The following GRIN2D variants were observed in gnomAD, a reference collection of about 807,000 sequenced individuals.
GRIN2D encodes glutamate receptor ionotropic, NMDA 2D.
Under a neutral mutation model 103.2 loss-of-function variants are expected in GRIN2D, and 37 were observed. The ratio of observed to expected loss-of-function variants is 0.36; its 90% CI spans 0.28 to 0.47. The LOEUF (loss-of-function observed/expected upper bound fraction) is 0.47, where lower values mean the gene tolerates loss of function less well. GRIN2D is among the 20% of genes least tolerant of loss of function. The probability of loss-of-function intolerance (pLI) is 1.00; values close to 1 mark genes in which losing one functional copy is unlikely to be tolerated. For missense variants in GRIN2D, 1,557 were observed against 1,910.6 expected (o/e 0.81, Z 3.45); for synonymous variants, 845 against 885.6 (o/e 0.95, Z 0.81).
In GRIN2D at chr19:48,414,850, G is replaced by A. The variant is rs978663766; in HGVS notation, c.1413-14G>A. ...GGGGTCCCCAAACTCCCCAAGCCTG[G>A]TCACTGCCCGCAGCCCTCCACCGGA... is the stretch of plus-strand genomic sequence containing the variant. On this transcript the variant is annotated splice_polypyrimidine_tract_variant and intron_variant, in intron 6 of 13. Coordinates refer to ENST00000263269, the MANE Select transcript of GRIN2D (RefSeq NM_000836.4). This position sits in a 1 kb window ranked among gnomAD's most constrained non-coding sequence, Gnocchi z 4.6. The A allele has an allele frequency of 6.2e-7, 1 of 1,613,632 alleles. No individual in the cohort carries two copies. Among genetic ancestry groups the A allele is most frequent in the Non-Finnish European group, 8.5e-7 (1 of 1,179,854 alleles).
intron 4 of GRIN2D, among the ~76,000 whole-genome samples, chr19:48,410,409 T>C (rs1970843638): frequency 6.7e-6 from 1 of 149,860 alleles, no homozygotes; most frequent in Non-Finnish European, 1.5e-5. Flanking sequence ...ACGCCTGTAA[T>C]CCCAGCTACT....
chr19:48,429,876 G>GA (rs1228638398), intron 11 of GRIN2D, among the ~76,000 whole-genome samples: 2 of 151,734 alleles, frequency 1.3e-5, no homozygotes, highest in Non-Finnish European at 2.9e-5. Context: ...TATCTTTAAG[G>GA]AAAAAAATGG....
chr19:48,443,438 C>A lies in GRIN2D; in HGVS notation c.3512C>A (p.Pro1171Gln), dbSNP rs776934120. 1 of 1,387,466 alleles carries A rather than the reference C, an allele frequency of 7.2e-7. No individual in the cohort carries two copies. Among genetic ancestry groups the A allele is most frequent in the African/African-American group, 1.5e-5 (1 of 66,260 alleles). The allele number at this position is 1,387,466 out of a possible 1,614,324, so 85.9% of individuals were successfully genotyped here. ...GCCGGGAGCTGGGACTACCTGCCCC[C>A]GCGCAGCGGTCCGGCCGCCTGGCAC... ...WRAGSWDYLP[P>Q]RSGPAAWHCR... Residue 1171 changes from proline (P) to glutamine (Q), a missense_variant, in exon 14 of 14, where the codon CCG (proline) becomes CAG (glutamine). This residue lies in a region of GRIN2D where 632 missense variants were observed against 572.8 expected (regional missense o/e 1.10). Coordinates refer to ENST00000263269, the MANE Select transcript of GRIN2D (RefSeq NM_000836.4). This position sits in a 1 kb window ranked among gnomAD's most constrained non-coding sequence, Gnocchi z 8.9.
chr19:48,402,567 ATT>A, intron 3 of GRIN2D, among the ~76,000 whole-genome samples: 1 of 151,136 alleles, frequency 6.6e-6, no homozygotes, highest in East Asian at 2.0e-4. Context: ...AATACAAAAA[ATT>A]AGCCGGGCGC....
Position 48,442,087 on chromosome 19 carries a change from CATCACAG to C in GRIN2D, c.2441-61_2441-55del. Reference sequence around the variant, plus strand: ...AAGGGGCTAAGGGCCTACATTCCCACATCACAGACAAGGGTCCTCAGAGGGTACTCAT... The same window carrying C: ...AAGGGGCTAAGGGCCTACATTCCCACACAAGGGTCCTCAGAGGGTACTCAT... On this transcript the variant is annotated intron_variant, in intron 12 of 13. Coordinates refer to ENST00000263269, the MANE Select transcript of GRIN2D (RefSeq NM_000836.4). The surrounding 1 kb of genome is among the most constrained non-coding windows in gnomAD (Gnocchi z 7.2). 5 of 1,516,888 alleles carry C rather than the reference CATCACAG, an allele frequency of 3.3e-6. No individual in the cohort carries two copies. Among genetic ancestry groups the C allele is most frequent in the Non-Finnish European group, 4.6e-6 (5 of 1,097,612 alleles). The allele number at this position is 1,516,888 out of a possible 1,614,324, so 94.0% of individuals were successfully genotyped here.
chr19:48,409,547 G>A (rs902149094), intron 4 of GRIN2D, among the ~76,000 whole-genome samples: 1 of 152,004 alleles, frequency 6.6e-6, no homozygotes, highest in Non-Finnish European at 1.5e-5. Flanking sequence ...AAAGTGTTGG[G>A]ATTACGGGCG....
At chr19:48,435,319 A>C (rs762677918) in intron 11 of GRIN2D, among the ~76,000 whole-genome samples, 1 of 105,520 alleles carries the variant, frequency 9.5e-6, no homozygotes, top group Admixed American at 1.3e-4. Context: ...TTTTTTTGAG[A>C]CGGAGTCTTG....
chr19:48,397,257 T>C (rs1004496183), intron 2 of GRIN2D, among the ~76,000 whole-genome samples: 2 of 152,068 alleles, frequency 1.3e-5, no homozygotes, highest in Non-Finnish European at 2.9e-5. Flanking sequence ...GTGGGGATTT[T>C]CTCTCCTTGG....
In GRIN2D at chr19:48,405,223, C is replaced by T; in HGVS notation, c.955C>T (p.Arg319Ter). The T allele has an allele frequency of 6.3e-7, 1 of 1,598,642 alleles. No homozygotes were observed. Among genetic ancestry groups the T allele is most frequent in the Non-Finnish European group, 8.5e-7 (1 of 1,177,218 alleles). Residue 319 changes from arginine to a stop codon, truncating the protein, a stop_gained, in exon 4 of 14, where the codon CGA becomes TGA. Transcript: ENST00000263269. LOFTEE classifies it high-confidence loss of function. The surrounding 1 kb of genome is among the most constrained non-coding windows in gnomAD (Gnocchi z 5.1). ...TGGCTGGCGGGATGACCTGGCTCGG[C>T]GAGTGGCAGCTGGCGTGGCCGTAGT... ...SAGWRDDLAR[R>*]VAAGVAVVAR...
intron 3 of GRIN2D, among the ~76,000 whole-genome samples, chr19:48,400,464 G>A (rs1279405569): frequency 2.6e-5 from 4 of 152,198 alleles, no homozygotes; most frequent in Admixed American, 2.6e-4. Flanking sequence ...GAGATTTGTA[G>A]GTAGATGCCC....
At chr19:48,436,283 C>G (rs931271108) in intron 11 of GRIN2D, among the ~76,000 whole-genome samples, 2 of 152,028 alleles carry the variant, frequency 1.3e-5, no homozygotes, top group African/African-American at 4.8e-5. Flanking sequence ...TGGAGTTGGA[C>G]TCACAGGCGG....
At chr19:48,426,601 T>C (rs1971091022) in intron 11 of GRIN2D, among the ~76,000 whole-genome samples, 1 of 151,614 alleles carries the variant, frequency 6.6e-6, no homozygotes, top group Non-Finnish European at 1.5e-5. Flanking sequence ...TATTTATTTT[T>C]TCAGACAGAG....
intron 4 of GRIN2D, among the ~76,000 whole-genome samples, chr19:48,407,033 G>A (rs538637766): frequency 1.4e-5 from 2 of 147,242 alleles, no homozygotes; most frequent in Non-Finnish European, 3.0e-5. Context: ...GCTGGAGTGC[G>A]ATGGCGTGAT....
chr19:48,394,195 CTG>C lies in GRIN2D; in HGVS notation c.-306+337_-306+338del, dbSNP rs1032192539. Among the ~76,000 whole-genome samples the C allele has an allele frequency of 6.7e-5, 10 of 148,792 alleles. No individual in the cohort carries two copies. Among genetic ancestry groups the C allele is most frequent in the Non-Finnish European group, 1.4e-4 (9 of 66,012 alleles). On this transcript the variant is annotated intron_variant, in intron 1 of 13. Coordinates refer to ENST00000263269, the MANE Select transcript of GRIN2D (RefSeq NM_000836.4). The surrounding 1 kb of genome is among the most constrained non-coding windows in gnomAD (Gnocchi z 5.1). ...GACCCCCCACTCTGTGTGTGTGTGT[CTG>C]TGTGTGTGTCCCTCCTCAAGCTCTG...
At chr19:48,402,154 A>AAGAAAGAAAGAAAGAAAGAG (rs1970722127) in intron 3 of GRIN2D, among the ~76,000 whole-genome samples, 1 of 137,462 alleles carries the variant, frequency 7.3e-6, no homozygotes, top group Non-Finnish European at 1.6e-5. Context: ...GAAAGAAAGA[A>AAGAAAGAAAGAAAGAAAGAG]AGAAAGAAAG....
chr19:48,399,010 A>C (rs1036195796), intron 3 of GRIN2D, among the ~76,000 whole-genome samples, 153 bp downstream of exon 3: 3 of 152,002 alleles, frequency 2.0e-5, no homozygotes, highest in Non-Finnish European at 4.4e-5. Context: ...GATGGTAGGC[A>C]GGGCTTAGGG....
At chr19:48,438,653 C>T (rs905099461) in intron 11 of GRIN2D, among the ~76,000 whole-genome samples, 1 of 151,934 alleles carries the variant, frequency 6.6e-6, no homozygotes, top group Non-Finnish European at 1.5e-5. Context: ...AGGCTGGTAT[C>T]GAACTCCTGA....
intron 11 of GRIN2D, among the ~76,000 whole-genome samples, chr19:48,425,041 TCTCA>T (rs959982564): frequency 6.6e-6 from 1 of 150,396 alleles, no homozygotes; most frequent in Non-Finnish European, 1.5e-5. Flanking sequence ...TCTCTCTCTC[TCTCA>T]CACAAAACAG....
At chr19:48,396,825 C>A (rs2147432251) in intron 2 of GRIN2D, among the ~76,000 whole-genome samples, 1 of 152,140 alleles carries the variant, frequency 6.6e-6, no homozygotes, top group Non-Finnish European at 1.5e-5. Flanking sequence ...CCATGGCAAC[C>A]AGACAGGAGC....
Sources: gnomAD v4.1 joint callset for allele counts (sites outside exome capture counted in the v4.1 genomes callset) on GRCh38, gnomAD v4.1.1 for gene constraint, gnomAD v4.1.1 regional missense constraint, Gnocchi (gnomAD v3.1) non-coding constraint, MANE v1.5 for transcripts, NCBI Gene and HGNC (gene_info 2026-07-23, HGNC 2026-07-21) for gene names.